Variants in CFAP57 observed in about 807,000 individuals in gnomAD.
The protein encoded by CFAP57 is cilia and flagella associated protein 57, also known as cilia- and flagella-associated protein 57.
A neutral mutation model predicts 146.8 loss-of-function variants in CFAP57; 116 were observed. That is an observed-to-expected ratio of 0.79 (90% CI 0.68 to 0.92). The LOEUF (loss-of-function observed/expected upper bound fraction) is 0.92, where lower values mean the gene tolerates loss of function less well. Among genes scored for constraint, CFAP57 ranks in the 40% least tolerant of loss-of-function variants. CFAP57 has a pLI of 0.00. For missense variants in CFAP57, 1,377 were observed against 1,527.2 expected (o/e 0.90, Z 1.64); for synonymous variants, 518 against 552.8 (o/e 0.94, Z 0.88).
intron 18 of CFAP57, among the ~76,000 whole-genome samples, 158 bp downstream of exon 18, chr1:43,227,284 G>T (rs759384472): frequency 1.3e-5 from 2 of 152,252 alleles, no homozygotes; most frequent in Non-Finnish European, 2.9e-5. Context: ...CAACAGGGAA[G>T]GCCGTGGCCC....
chr1:43,241,359 T>G (rs867756390), intron 21 of CFAP57, among the ~76,000 whole-genome samples: 17 of 152,228 alleles, frequency 1.1e-4, no homozygotes, highest in Non-Finnish European at 1.9e-4. Flanking sequence ...AGTAATATAC[T>G]GGAAGTCTAA....
intron 5 of CFAP57, 56 bp from the exon 6 acceptor site, chr1:43,186,650 TA>T: frequency 7.2e-7 from 1 of 1,381,930 alleles, no homozygotes; most frequent in Non-Finnish European, 1.0e-6. Flanking sequence ...TCTGAAAGCC[TA>T]AGGCCACAAT....
Position 43,243,295 on chromosome 1 carries a change from C to T in CFAP57, c.3474C>T (p.Val1158=). The change falls in exon 22 of 23, where the codon GTC becomes GTT. Residue 1158 remains valine (V), a synonymous_variant. Coordinates refer to ENST00000372492, the MANE Select transcript of CFAP57 (RefSeq NM_001378189.1). Reference sequence around the variant, plus strand: ...AGCTGAAGTTCACTCGGTCCCAAGTCTATGACCTTGAAGCAGCTCTGAAAC... The same window carrying T: ...AGCTGAAGTTCACTCGGTCCCAAGTTTATGACCTTGAAGCAGCTCTGAAAC... The part of the protein sequence containing the change: ...RRELKFTRSQ[V]YDLEAALKLT... The T allele has an allele frequency of 6.5e-7, 1 of 1,548,716 alleles. No homozygotes were observed. Among genetic ancestry groups the T allele is most frequent in the Non-Finnish European group, 8.7e-7 (1 of 1,145,918 alleles).
chr1:43,233,587 C>G (rs1378297834), intron 19 of CFAP57, among the ~76,000 whole-genome samples: 1 of 152,096 alleles, frequency 6.6e-6, no homozygotes, highest in Non-Finnish European at 1.5e-5. Context: ...TAAACGAGAA[C>G]TGATACAGAT....
rs570009909 is a variant in CFAP57, at chr1:43,229,417, C to T, written c.3009+2291C>T. Among the ~76,000 whole-genome samples the T allele has an allele frequency of 1.4e-4, 21 of 148,562 alleles. 3 individuals carry two copies. The highest frequency in any genetic ancestry group is 3.0e-4 in the Non-Finnish European group (20 of 67,508). The stretch of plus-strand genomic sequence containing the variant: ...GTTGCTGTCAGGACTGATACCTGGG[C>T]CTGGGTGCTTCTGGGAGCCTCTGAC... On this transcript the variant is annotated intron_variant, in intron 18 of 22. Transcript: ENST00000372492.
intron 15 of CFAP57, among the ~76,000 whole-genome samples, chr1:43,222,592 G>A (rs1339061749): frequency 6.6e-6 from 1 of 152,250 alleles, no homozygotes. Flanking sequence ...GGTTGAAGTG[G>A]TGGAGCATGA....
intron 12 of CFAP57, among the ~76,000 whole-genome samples, chr1:43,218,129 G>A (rs765198704): frequency 6.6e-6 from 1 of 152,226 alleles, no homozygotes; most frequent in African/African-American, 2.4e-5. Context: ...GTTCACAGGT[G>A]GTAGAGGAGA....
rs1294906022 is a variant in CFAP57 at position 43,185,228 on chromosome 1, T to A, written c.841T>A (p.Ser281Thr). ...GGCGGCCAGTAGCCATAGCCAGATG[T>A]CCATGCCCCAGGTGTTTGCCATTGC... Reference protein sequence around the residue: ...MVAASSHSQMSMPQVFAIAAY... With the variant: ...MVAASSHSQMTMPQVFAIAAY... The change falls in exon 5 of 23, where the codon TCC becomes ACC. Residue 281 changes from serine to threonine, a missense_variant. Coordinates refer to ENST00000372492, the MANE Select transcript of CFAP57 (RefSeq NM_001378189.1). 6.2e-7 allele frequency: 1 copy of A among 1,614,204 alleles called. No individual in the cohort carries two copies. The highest frequency in any genetic ancestry group is 1.7e-5 in the Admixed American group (1 of 60,018).
At chr1:43,237,563 CTT>C (rs1043464755) in intron 21 of CFAP57, among the ~76,000 whole-genome samples, 3 of 152,142 alleles carry the variant, frequency 2.0e-5, no homozygotes, top group African/African-American at 7.2e-5. Context: ...TCAGTGATGC[CTT>C]CAGGACTTGT....
At chr1:43,223,976 T>G in intron 16 of CFAP57, 70 bp from the exon 17 acceptor site, 7 of 1,528,942 alleles carry the variant, frequency 4.6e-6, no homozygotes, top group Non-Finnish European at 6.2e-6. Context: ...CCCCTTACAC[T>G]GAGACAGTGG....
chr1:43,243,088 G>A (rs1645987473), intron 21 of CFAP57, 139 bp from the exon 22 acceptor site: 10 of 1,021,088 alleles, frequency 9.8e-6, no homozygotes, highest in Non-Finnish European at 1.3e-5. Context: ...TAAAGGCTCA[G>A]GCCCCAATAG....
intron 6 of CFAP57, among the ~76,000 whole-genome samples, chr1:43,195,477 C>A (rs921897390): frequency 2.0e-5 from 3 of 151,428 alleles, no homozygotes; most frequent in East Asian, 3.9e-4. Flanking sequence ...GCCGAGATCA[C>A]GCCACTGCAC....
At chr1:43,179,483 G>T (rs571297003) in intron 2 of CFAP57, among the ~76,000 whole-genome samples, 26 of 152,306 alleles carry the variant, frequency 1.7e-4, no homozygotes, top group Non-Finnish European at 1.9e-4. Flanking sequence ...CCCTCCAGGA[G>T]CTCTCAGTAT....
At chr1:43,200,840 A>C (rs1003980995) in intron 9 of CFAP57, among the ~76,000 whole-genome samples, 2 of 152,236 alleles carry the variant, frequency 1.3e-5, no homozygotes, top group East Asian at 3.8e-4. Flanking sequence ...TTTAGTCTCT[A>C]GGTGACGAGA....
chr1:43,186,627 A>AG, intron 5 of CFAP57, 80 bp from the exon 6 acceptor site: 1 of 1,263,598 alleles, frequency 7.9e-7, no homozygotes, highest in South Asian at 1.3e-5. Flanking sequence ...AAAAAAAAAA[A>AG]AAAAAAGAAA....
At position 43,221,520 on chromosome 1, in the gene CFAP57, G is replaced by A. The variant is rs888729111; in HGVS notation, c.2341+55G>A. On this transcript the variant is annotated intron_variant, in intron 14 of 22. Transcript: ENST00000372492. ...TAGGGTTGGAAGAGCTAGGTTATGGGGAAACACTCAAGAGTCCCCCAGACA... is the reference window on the plus strand; with the variant it reads ...TAGGGTTGGAAGAGCTAGGTTATGGAGAAACACTCAAGAGTCCCCCAGACA... The A allele has an allele frequency of 3.2e-6, 4 of 1,260,024 alleles. No individual in the cohort carries two copies. In the African/African-American group the frequency reaches 4.6e-5, roughly 14 times the overall value. The allele number at this position is 1,260,024 out of a possible 1,614,324, so 78.1% of individuals were successfully genotyped here.
intron 2 of CFAP57, among the ~76,000 whole-genome samples, chr1:43,176,615 C>T (rs12402495): frequency 0.13 from 19,271 of 152,106 alleles, 1,759 homozygotes; most frequent in East Asian, 0.29. Context: ...AAAATAGACA[C>T]GCACATATGC....
Position 43,183,705 on chromosome 1 carries a change from C to T in CFAP57, c.589C>T (p.Pro197Ser), listed in dbSNP as rs568075586. Residue 197 changes from proline (P) to serine (S), a missense_variant, in exon 4 of 23, where the codon CCC becomes TCC. By Grantham distance (74) the Pro-to-Ser change is moderately conservative. Transcript: ENST00000372492. ...LKQTSFQRGEPQNYLAHTWVA... is the reference protein window; with the variant it reads ...LKQTSFQRGESQNYLAHTWVA... Reference sequence around the variant, plus strand: ...GCAAACCAGCTTTCAGAGGGGAGAACCCCAAAACTATCTAGCTCACACCTG... The same window carrying T: ...GCAAACCAGCTTTCAGAGGGGAGAATCCCAAAACTATCTAGCTCACACCTG... 2 of 1,614,214 alleles carry T rather than the reference C, an allele frequency of 1.2e-6. No homozygotes were observed. Among genetic ancestry groups the T allele is most frequent in the Admixed American group, 3.3e-5 (2 of 60,026 alleles).
At chr1:43,248,319 CTTTTT>C (rs763437285) in intron 22 of CFAP57, among the ~76,000 whole-genome samples, 1 of 133,476 alleles carries the variant, frequency 7.5e-6, no homozygotes, top group Non-Finnish European at 1.6e-5. Context: ...AAAAAATTTT[CTTTTT>C]TTTTTTTTTT....
Sources: gnomAD v4.1 joint callset for allele counts (sites outside exome capture counted in the v4.1 genomes callset) on GRCh38, gnomAD v4.1.1 for gene constraint, MANE v1.5 for transcripts, NCBI Gene and HGNC (gene_info 2026-07-23, HGNC 2026-07-21) for gene names.